The following ECPAS variants were observed in gnomAD, a reference collection of about 807,000 sequenced individuals.
The protein encoded by ECPAS is proteasome adapter and scaffold protein ECM29.
ECPAS carries 70 observed loss-of-function variants against 255.1 expected under a neutral mutation model. The ratio of observed to expected loss-of-function variants is 0.27; its 90% CI spans 0.23 to 0.33. The LOEUF (loss-of-function observed/expected upper bound fraction) is 0.33, where lower values mean the gene tolerates loss of function less well. Ranked by LOEUF, ECPAS falls within the 10% of genes least tolerant of loss-of-function variation. ECPAS has a pLI of 1.00. For synonymous variants in ECPAS, 784 were observed against 775.0 expected, an observed-to-expected ratio of 1.01 and a Z score of -0.19; for missense variants, 1,817 against 2,206.4, an observed-to-expected ratio of 0.82 and a Z score of 3.54.
At position 111,432,103 on chromosome 9, in the gene ECPAS, GAATTT is replaced by G. The variant is rs575732314; in HGVS notation, c.848+1125_848+1129del. On this transcript the variant is annotated intron_variant, in intron 8 of 49. Coordinates refer to ENST00000684092, the MANE Select transcript of ECPAS (RefSeq NM_001364929.1). ...AACTATATCCCCATTATGGAAAACTGAATTTGTTTTCATATTTTAACAATGATAGA... is the reference window on the plus strand; with the variant it reads ...AACTATATCCCCATTATGGAAAACTGGTTTTCATATTTTAACAATGATAGA... Among the ~76,000 whole-genome samples the G allele has an allele frequency of 8.9e-3, 1,348 of 152,208 alleles. 10 individuals are homozygous for G. The highest frequency in any genetic ancestry group is 0.014 in the Non-Finnish European group (961 of 68,012).
intron 20 of ECPAS, among the ~76,000 whole-genome samples, chr9:111,413,076 T>C (rs2098197230): frequency 6.6e-6 from 1 of 152,224 alleles, no homozygotes; most frequent in South Asian, 2.1e-4. Flanking sequence ...CCCTCATACA[T>C]GACTGTTAGA....
chr9:111,479,388 G>C (rs530543310), intron 1 of ECPAS, among the ~76,000 whole-genome samples: 38 of 150,082 alleles, frequency 2.5e-4, no homozygotes, highest in African/African-American at 9.2e-4. Flanking sequence ...ATGAGGTCAG[G>C]AGGTCGAGAC....
intron 24 of ECPAS, among the ~76,000 whole-genome samples, chr9:111,398,872 G>A (rs924887333): frequency 2.0e-5 from 3 of 152,256 alleles, no homozygotes; most frequent in South Asian, 2.1e-4. Context: ...AGGAGGTGGA[G>A]GTTGCAGTGA....
intron 33 of ECPAS, 84 bp from the exon 34 acceptor site, chr9:111,384,653 G>T (rs1392482146): frequency 2.5e-6 from 3 of 1,202,380 alleles, no homozygotes; most frequent in Non-Finnish European, 3.7e-6. Context: ...AATTGCCTCA[G>T]GCCCTACAGA....
At chr9:111,424,670 T>A (rs759503892) in intron 12 of ECPAS, among the ~76,000 whole-genome samples, 22 of 152,166 alleles carry the variant, frequency 1.4e-4, no homozygotes, top group Middle Eastern at 3.2e-3. Flanking sequence ...GAATTTTGAA[T>A]CATTAAAATC....
chr9:111,444,757 C>A (rs1341538844), intron 3 of ECPAS, among the ~76,000 whole-genome samples: 1 of 152,208 alleles, frequency 6.6e-6, no homozygotes, highest in African/African-American at 2.4e-5. Flanking sequence ...GTCGTGCAGG[C>A]TGGAGTGCAT....
At chr9:111,478,435 G>A (rs1462020169) in intron 1 of ECPAS, among the ~76,000 whole-genome samples, 4 of 152,038 alleles carry the variant, frequency 2.6e-5, no homozygotes, top group Non-Finnish European at 5.9e-5. Flanking sequence ...GCTGAGGCAG[G>A]AGAATCGCTT....
At chr9:111,369,398 A>T (rs149085195) in intron 45 of ECPAS, among the ~76,000 whole-genome samples, 52 of 152,328 alleles carry the variant, frequency 3.4e-4, no homozygotes, top group African/African-American at 1.2e-3. Flanking sequence ...AACAAAAGCT[A>T]AAAAATACTG....
chr9:111,471,504 G>A (rs1194713181), intron 2 of ECPAS, among the ~76,000 whole-genome samples: 2 of 152,154 alleles, frequency 1.3e-5, no homozygotes, highest in Admixed American at 1.3e-4. Flanking sequence ...GGGGTGGGGA[G>A]AAGGGGTCTA....
At chr9:111,454,709 CTT>C (rs879767612) in intron 2 of ECPAS, among the ~76,000 whole-genome samples, 27 of 143,332 alleles carry the variant, frequency 1.9e-4, no homozygotes, top group Middle Eastern at 3.6e-3. Flanking sequence ...TTTTCTTTTC[CTT>C]TTTTTTTTTT....
intron 2 of ECPAS, among the ~76,000 whole-genome samples, chr9:111,457,947 T>C (rs1232549891): frequency 6.6e-6 from 1 of 152,202 alleles, no homozygotes; most frequent in Non-Finnish European, 1.5e-5. Flanking sequence ...ATATCCTTTA[T>C]TTCACATCAA....
At chr9:111,377,696 T>A (rs969950437) in intron 36 of ECPAS, among the ~76,000 whole-genome samples, 2 of 152,214 alleles carry the variant, frequency 1.3e-5, no homozygotes, top group Admixed American at 1.3e-4. Flanking sequence ...AGCCTATGAC[T>A]AAAAAGGAAT....
intron 12 of ECPAS, among the ~76,000 whole-genome samples, chr9:111,423,558 T>C (rs953393727): frequency 6.6e-6 from 1 of 152,192 alleles, no homozygotes; most frequent in African/African-American, 2.4e-5. Flanking sequence ...GAGTTCAAGA[T>C]ATTTCAACAC....
intron 1 of ECPAS, among the ~76,000 whole-genome samples, chr9:111,479,604 A>G (rs2098301089): frequency 6.6e-6 from 1 of 152,058 alleles, no homozygotes; most frequent in South Asian, 2.1e-4. Flanking sequence ...AGAAAAAGAC[A>G]ACAAAAAAAA....
intron 1 of ECPAS, among the ~76,000 whole-genome samples, chr9:111,474,385 C>T (rs1411755952): frequency 6.6e-6 from 1 of 152,168 alleles, no homozygotes; most frequent in African/African-American, 2.4e-5. Context: ...ACAATTTCTC[C>T]CTATTTTAGG....
chr9:111,458,090 C>T (rs979253479), intron 2 of ECPAS, among the ~76,000 whole-genome samples: 2 of 152,040 alleles, frequency 1.3e-5, no homozygotes, highest in Admixed American at 6.6e-5. Context: ...TCTAAATGGG[C>T]TATTATTTAT....
At chr9:111,428,837 C>G (rs1213984828) in intron 9 of ECPAS, among the ~76,000 whole-genome samples, 2 of 152,068 alleles carry the variant, frequency 1.3e-5, no homozygotes, top group Non-Finnish European at 2.9e-5. Flanking sequence ...CACTGGTTAT[C>G]TTACTCTGAA....
intron 7 of ECPAS, among the ~76,000 whole-genome samples, chr9:111,434,101 A>G (rs1406406341): frequency 6.6e-6 from 1 of 152,240 alleles, no homozygotes; most frequent in South Asian, 2.1e-4. Context: ...AATCAGTCAC[A>G]TAACAGTTTT....
At chr9:111,436,855 A>G in intron 7 of ECPAS, 85 bp downstream of exon 7, 1 of 1,165,258 alleles carries the variant, frequency 8.6e-7, no homozygotes, top group Non-Finnish European at 1.2e-6. Flanking sequence ...TGAATATACT[A>G]GAATTATGTT....
Sources: gnomAD v4.1 joint callset for allele counts (sites outside exome capture counted in the v4.1 genomes callset) on GRCh38, gnomAD v4.1.1 for gene constraint, MANE v1.5 for transcripts, NCBI Gene and HGNC (gene_info 2026-07-23, HGNC 2026-07-21) for gene names.